Variants in DHX57 observed in about 807,000 individuals in gnomAD.
DHX57 encodes the protein putative ATP-dependent RNA helicase DHX57.
DHX57 carries 105 observed loss-of-function variants against 156.2 expected under a neutral mutation model. The observed-to-expected ratio is 0.67, with a 90% CI of 0.57 to 0.79. The LOEUF is 0.79. Ranked by LOEUF, DHX57 falls within the 30% of genes least tolerant of loss-of-function variation. DHX57 has a pLI of 0.00. For missense variants in DHX57, 1,847 were observed against 1,661.9 expected, an observed-to-expected ratio of 1.11 and a Z score of -1.94; for synonymous variants, 704 against 595.6, an observed-to-expected ratio of 1.18 and a Z score of -2.65.
chr2:38,864,245 TA>T (rs146547256), intron 2 of DHX57, among the ~76,000 whole-genome samples: 75,908 of 132,822 alleles, frequency 0.57, 21,775 homozygotes, highest in East Asian at 0.8. Flanking sequence ...TTCTGATTAT[TA>T]AAAAAAAAAA....
rs759466675 is a variant in DHX57, at chr2:38,853,145, T to C, written c.2030+909A>G. The C allele has an allele frequency of 4.9e-4, 75 of 152,782 alleles. 1 individual carries two copies. Among genetic ancestry groups the C allele is most frequent in the Non-Finnish European group, 5.5e-4 (38 of 69,124 alleles). The allele number at this position is 152,782 out of a possible 1,614,324, so 9.5% of individuals were successfully genotyped here. A position where few individuals can be genotyped will look rare whatever the true frequency, so the allele number is the denominator to read the frequency against. On this transcript the variant is annotated intron_variant, in intron 9 of 23. Coordinates refer to ENST00000457308, the MANE Select transcript of DHX57 (RefSeq NM_198963.3). ...ATCACAGCTCACTGCAGCCTCAACC[T>C]CCTGGGGGCTCAATTGATTCTCCTG...
chr2:38,823,735 C>G (rs186715835), intron 16 of DHX57, among the ~76,000 whole-genome samples: 3 of 152,048 alleles, frequency 2.0e-5, no homozygotes, highest in African/African-American at 7.2e-5. Flanking sequence ...AGAGAGGCCA[C>G]GCGCAGTGGC....
chr2:38,842,328 A>G (rs1672051375), intron 12 of DHX57, among the ~76,000 whole-genome samples: 1 of 152,232 alleles, frequency 6.6e-6, no homozygotes, highest in South Asian at 2.1e-4. Context: ...ACTGAATGTA[A>G]TATATGATCC....
At chr2:38,845,272 C>A (rs1672210369) in intron 11 of DHX57, among the ~76,000 whole-genome samples, 1 of 151,844 alleles carries the variant, frequency 6.6e-6, no homozygotes, top group Non-Finnish European at 1.5e-5. Flanking sequence ...AAAGTAAAGA[C>A]AGGTAAACTA....
intron 2 of DHX57, among the ~76,000 whole-genome samples, chr2:38,866,427 T>G (rs1251673627): frequency 6.6e-6 from 1 of 152,188 alleles, no homozygotes; most frequent in Non-Finnish European, 1.5e-5. Flanking sequence ...TTTACTTACT[T>G]CTTGCCTCTC....
At chr2:38,857,800 C>A (rs567462990) in intron 6 of DHX57, among the ~76,000 whole-genome samples, 3 of 152,310 alleles carry the variant, frequency 2.0e-5, no homozygotes, top group African/African-American at 7.2e-5. Flanking sequence ...ACTAGCTATG[C>A]GATCTTGGGC....
chr2:38,818,866 A>T lies in DHX57; in HGVS notation c.3471+11T>A, dbSNP rs775691002. Reference sequence around the variant, plus strand: ...TAAAAAAATGAAGAAAAAGCCACAGACACAACTCACCTGCAGAACTCTTCC... The same window carrying T: ...TAAAAAAATGAAGAAAAAGCCACAGTCACAACTCACCTGCAGAACTCTTCC... On this transcript the variant is annotated intron_variant, in intron 19 of 23. Coordinates refer to ENST00000457308, the MANE Select transcript of DHX57 (RefSeq NM_198963.3). 6.2e-7 allele frequency: 1 copy of T among 1,614,140 alleles called. No homozygotes were observed. The highest frequency in any genetic ancestry group is 8.5e-7 in the Non-Finnish European group (1 of 1,180,002).
intron 21 of DHX57, among the ~76,000 whole-genome samples, chr2:38,812,617 T>A (rs2148542280): frequency 6.6e-6 from 1 of 152,324 alleles, no homozygotes; most frequent in South Asian, 2.1e-4. Context: ...CACCACAACC[T>A]CTGCCTCCCG....
At chr2:38,862,534 T>C in intron 3 of DHX57, 1 of 443,684 alleles carries the variant, frequency 2.3e-6, no homozygotes, top group Non-Finnish European at 3.8e-6. Context: ...CTGTGTTAAG[T>C]GCTTTATATG....
At chr2:38,842,248 A>G (rs766295202) in intron 12 of DHX57, among the ~76,000 whole-genome samples, 1 of 152,254 alleles carries the variant, frequency 6.6e-6, no homozygotes. Flanking sequence ...ATAATCTTCA[A>G]AAATGTCAAG....
chr2:38,866,006 G>T (rs1200502775), intron 2 of DHX57, among the ~76,000 whole-genome samples: 1 of 152,158 alleles, frequency 6.6e-6, no homozygotes, highest in African/African-American at 2.4e-5. Flanking sequence ...GGAAGAAGAG[G>T]GAGGAAGGGA....
intron 20 of DHX57, 48 bp downstream of exon 20, chr2:38,815,473 T>C: frequency 1.2e-6 from 2 of 1,611,420 alleles, no homozygotes; most frequent in Non-Finnish European, 8.5e-7. Flanking sequence ...TAAGATTGTA[T>C]TTAGGTGCTA....
chr2:38,798,836 CAG>C (rs994607477), intron 23 of DHX57, among the ~76,000 whole-genome samples: 18 of 152,014 alleles, frequency 1.2e-4, no homozygotes, highest in African/African-American at 4.4e-4. Context: ...CCCAGCTACT[CAG>C]AGGCTGAGGC....
intron 11 of DHX57, among the ~76,000 whole-genome samples, chr2:38,846,672 A>G (rs2124888797): frequency 6.6e-6 from 1 of 152,068 alleles, no homozygotes; most frequent in East Asian, 1.9e-4. Context: ...AAATATTGGC[A>G]GTCTGTTTGC....
chr2:38,828,250 C>T (rs1671205267), intron 14 of DHX57, 90 bp downstream of exon 14: 1 of 897,062 alleles, frequency 1.1e-6, no homozygotes, highest in Non-Finnish European at 1.7e-6. Flanking sequence ...TGCTCGAAGA[C>T]TGGTGCTCTT....
At position 38,798,349 on chromosome 2, in the gene DHX57, G is replaced by A. The variant is rs1353582979; in HGVS notation, c.4111C>T (p.Arg1371Ter). 4 of 1,613,978 alleles carry A rather than the reference G, an allele frequency of 2.5e-6. No homozygotes were observed. Among genetic ancestry groups the A allele is most frequent in the South Asian group, 1.1e-5 (1 of 91,040 alleles). Residue 1371 changes from arginine (R) to a stop codon, truncating the protein, a stop_gained, in exon 24 of 24, where the codon CGA becomes TGA. Transcript: ENST00000457308. LOFTEE classifies it high-confidence loss of function. The stretch of plus-strand genomic sequence containing the variant: ...ATTGTGCTGATGATCCGGGATCCTC[G>A]AGGACACGTACACAGATCAATGCTT... ...NPSIDLCTCPRGSRIISTIVK... is the reference protein window; with the variant it reads ...NPSIDLCTCP
intron 14 of DHX57, among the ~76,000 whole-genome samples, chr2:38,827,261 T>C (rs1671133736): frequency 6.6e-6 from 1 of 151,456 alleles, no homozygotes; most frequent in Non-Finnish European, 1.5e-5. Flanking sequence ...AATTCAGTAG[T>C]AAATAATGAA....
chr2:38,801,511 G>A (rs1336564528), intron 23 of DHX57, among the ~76,000 whole-genome samples: 2 of 152,210 alleles, frequency 1.3e-5, no homozygotes, highest in Non-Finnish European at 2.9e-5. Context: ...CTGGGTTCAA[G>A]TGATTCTCCT....
chr2:38,808,356 AATG>A (rs1444696487), intron 21 of DHX57, among the ~76,000 whole-genome samples: 2 of 152,216 alleles, frequency 1.3e-5, no homozygotes, highest in African/African-American at 2.4e-5. Context: ...ATGTATTTTC[AATG>A]ATGTCTTGAA....
Sources: allele counts gnomAD v4.1 joint callset (sites outside exome capture counted in the v4.1 genomes callset), GRCh38; gene constraint gnomAD v4.1.1; transcripts MANE v1.5; gene names NCBI Gene and HGNC (gene_info 2026-07-23, HGNC 2026-07-21).